Variants in NGEF observed in about 807,000 individuals in gnomAD.
NGEF encodes the protein neuronal guanine nucleotide exchange factor.
A neutral mutation model predicts 80.9 loss-of-function variants in NGEF; 31 were observed. The observed-to-expected ratio is 0.38, with a 90% CI of 0.29 to 0.52. NGEF has a LOEUF of 0.52. NGEF is among the 20% of genes least tolerant of loss of function. The pLI, the probability that NGEF is intolerant of heterozygous loss-of-function variation, is 0.84. For synonymous variants in NGEF, 371 were observed against 370.2 expected (o/e 1.00, Z -0.03); for missense variants, 709 against 926.2 (o/e 0.77, Z 3.04).
chr2:232,894,990 A>G, intron 5 of NGEF, 74 bp from the exon 6 acceptor site: 1 of 1,476,550 alleles, frequency 6.8e-7, no homozygotes, highest in South Asian at 1.3e-5. Flanking sequence ...GCTGAGACAG[A>G]GGAGCAGAGG....
rs1363099341 is a variant in NGEF, at chr2:232,879,158, C to G, written c.*331G>C. 2 of 231,072 alleles carry G rather than the reference C, an allele frequency of 8.7e-6. No homozygotes were observed. The highest frequency in any genetic ancestry group is 1.1e-4 in the Admixed American group (2 of 18,674). 14.3% of individuals were successfully genotyped at this position (231,072 alleles called of 1,614,324 possible). ...GGACACTCTGGGTTGGGAGCCTCTTCCAGTCCCTGGGGGCCAGGGGCATGG... is the reference window on the plus strand; with the variant it reads ...GGACACTCTGGGTTGGGAGCCTCTTGCAGTCCCTGGGGGCCAGGGGCATGG... On this transcript the variant is annotated 3_prime_UTR_variant, in exon 15 of 15. Transcript: ENST00000264051.
chr2:232,884,143 G>T lies in NGEF; in HGVS notation c.1439C>A (p.Ser480Ter). 1 of 1,592,944 alleles carries T rather than the reference G, an allele frequency of 6.3e-7. No homozygotes were observed. Among genetic ancestry groups the T allele is most frequent in the South Asian group, 1.1e-5 (1 of 88,844 alleles). The change falls in exon 11 of 15, where the codon TCG becomes TAG. Residue 480 changes from serine (S) to a stop codon, truncating the protein, a stop_gained and splice_region_variant. Transcript: ENST00000264051. LOFTEE classifies it high-confidence loss of function. ...IQKKMEFKIK[S>*]VPIISHSRWL... Reference sequence around the variant, plus strand: ...GCGGGAGTGGGAGATGATGGGCACCGACTGCAGCGGGGAAAGGGCATCAGG... The same window carrying T: ...GCGGGAGTGGGAGATGATGGGCACCTACTGCAGCGGGGAAAGGGCATCAGG...
At chr2:232,958,638 G>A (rs554854474) in intron 3 of NGEF, among the ~76,000 whole-genome samples, 12 of 152,156 alleles carry the variant, frequency 7.9e-5, no homozygotes, top group African/African-American at 2.7e-4. Flanking sequence ...CCAACCTCCC[G>A]GAAAAGGAGA....
chr2:232,894,254 G>A (rs1031913085), intron 6 of NGEF, among the ~76,000 whole-genome samples: 31 of 152,378 alleles, frequency 2.0e-4, no homozygotes, highest in Middle Eastern at 3.4e-3. Flanking sequence ...TGGAAGCACA[G>A]CTCCCAGAGC....
intron 3 of NGEF, among the ~76,000 whole-genome samples, chr2:232,950,442 AC>A (rs1277436620): frequency 1.3e-5 from 2 of 149,284 alleles, no homozygotes; most frequent in East Asian, 4.0e-4. Context: ...TGGCAGTGGG[AC>A]CCCCCACCCC....
rs545113081 is a variant in NGEF, at chr2:232,994,981, T to C, written c.-75+18087A>G. Among the ~76,000 whole-genome samples, 241 of 122,134 alleles carry C rather than the reference T, an allele frequency of 2.0e-3. 33 individuals are homozygous for C. The highest frequency in any genetic ancestry group is 8.5e-3 in the Middle Eastern group (2 of 236). 80.1% of individuals were successfully genotyped at this position (122,134 alleles called of 152,430 possible). A position where few individuals can be genotyped will look rare whatever the true frequency, so the allele number is the denominator to read the frequency against. On this transcript the variant is annotated intron_variant, in intron 1 of 14. Coordinates refer to ENST00000264051, the MANE Select transcript of NGEF (RefSeq NM_019850.3). ...CATATGTATTATATGTACATATACATATATGTATAACTACACATATATGTA... is the reference window on the plus strand; with the variant it reads ...CATATGTATTATATGTACATATACACATATGTATAACTACACATATATGTA...
chr2:232,975,493 A>T (rs1202833578), intron 1 of NGEF, among the ~76,000 whole-genome samples: 1 of 152,182 alleles, frequency 6.6e-6, no homozygotes, highest in South Asian at 2.1e-4. Context: ...GGAATGATGT[A>T]TGGCCGTGGT....
intron 3 of NGEF, among the ~76,000 whole-genome samples, chr2:232,953,614 G>T (rs1226682486): frequency 6.6e-6 from 1 of 152,038 alleles, no homozygotes; most frequent in Non-Finnish European, 1.5e-5. Flanking sequence ...CTGGCTGCCT[G>T]CCTAGGGGGA....
rs564520267 is a variant in NGEF at position 232,905,827 on chromosome 2, G to A, written c.829-10911C>T. The A allele has an allele frequency of 2.2e-4, 65 of 296,686 alleles. 1 individual carries two copies. Among genetic ancestry groups the A allele is most frequent in the South Asian group, 7.5e-4 (32 of 42,826 alleles). 18.4% of individuals were successfully genotyped at this position (296,686 alleles called of 1,614,324 possible). A position where few individuals can be genotyped will look rare whatever the true frequency, so the allele number is the denominator to read the frequency against. ...TGAGAAGTGAGGAGCCCCTCCGCCC[G>A]GCTGCCACCCCGTCTGGGAAGTGAG... On this transcript the variant is annotated intron_variant, in intron 5 of 14. Transcript: ENST00000264051.
chr2:233,013,155 A>G lies in NGEF; in HGVS notation c.-162T>C, dbSNP rs111339824. 1 of 471,024 alleles carries G rather than the reference A, an allele frequency of 2.1e-6. No individual in the cohort carries two copies. Among genetic ancestry groups the G allele is most frequent in the African/African-American group, 2.0e-5 (1 of 50,026 alleles). The allele number at this position is 471,024 out of a possible 1,614,324, so 29.2% of individuals were successfully genotyped here. A position where few individuals can be genotyped will look rare whatever the true frequency, so the allele number is the denominator to read the frequency against. The stretch of plus-strand genomic sequence containing the variant: ...TCCTGTCCAGGCACCTGCGAGCAGG[A>G]TGGTGTGTCCCCGGCTAAATCCACA... On this transcript the variant is annotated 5_prime_UTR_variant, in exon 1 of 15. Transcript: ENST00000264051.
At chr2:232,901,749 C>T (rs1435657513) in intron 5 of NGEF, among the ~76,000 whole-genome samples, 1 of 152,222 alleles carries the variant, frequency 6.6e-6, no homozygotes, top group African/African-American at 2.4e-5. Context: ...CAACTTAGTT[C>T]ACTGGCTTTT....
At chr2:232,915,175 G>T (rs1692772001) in intron 5 of NGEF, among the ~76,000 whole-genome samples, 1 of 152,214 alleles carries the variant, frequency 6.6e-6, no homozygotes, top group Non-Finnish European at 1.5e-5. Flanking sequence ...GTGATTTTTT[G>T]GGGTTACTGG....
At chr2:232,979,688 T>G (rs1257894211) in intron 1 of NGEF, among the ~76,000 whole-genome samples, 1 of 152,020 alleles carries the variant, frequency 6.6e-6, no homozygotes, top group African/African-American at 2.4e-5. Context: ...GCACTTGCAT[T>G]CATTCATTCA....
intron 6 of NGEF, among the ~76,000 whole-genome samples, chr2:232,893,485 G>A (rs1437193442): frequency 2.6e-5 from 4 of 152,104 alleles, no homozygotes; most frequent in African/African-American, 7.2e-5. Flanking sequence ...CAGAAGTGCC[G>A]TGGCAGGGCC....
At chr2:232,963,047 C>T (rs548786053) in intron 3 of NGEF, among the ~76,000 whole-genome samples, 22 of 151,772 alleles carry the variant, frequency 1.4e-4, no homozygotes, top group Non-Finnish European at 2.9e-4. Flanking sequence ...ATTGACAAAC[C>T]GATTCCAAAA....
intron 3 of NGEF, among the ~76,000 whole-genome samples, chr2:232,933,099 A>G (rs1202617590): frequency 6.9e-6 from 1 of 144,496 alleles, no homozygotes; most frequent in Non-Finnish European, 1.5e-5. Flanking sequence ...ACAAGAGTGA[A>G]ACTCCATCTC....
intron 3 of NGEF, among the ~76,000 whole-genome samples, chr2:232,928,389 G>C (rs1239644152): frequency 6.6e-6 from 1 of 151,758 alleles, no homozygotes; most frequent in Non-Finnish European, 1.5e-5. Context: ...GGAGGCCCTG[G>C]AGCTGCGCCT....
rs74714523 is a variant in NGEF at position 232,904,823 on chromosome 2, G to A, written c.829-9907C>T. 6.0e-3 allele frequency among the ~76,000 whole-genome samples: 909 copies of A among 152,160 alleles called. 9 individuals carry two copies. The highest frequency in any genetic ancestry group is 0.021 in the African/African-American group (853 of 41,494). ...TAGCCTGGAGTGGTGGTGCACACCT[G>A]TAGTTGCAGCTACTTGAGAGGCTGA... On this transcript the variant is annotated intron_variant, in intron 5 of 14. Transcript: ENST00000264051.
intron 1 of NGEF, among the ~76,000 whole-genome samples, chr2:232,987,939 A>G (rs1255646259): frequency 6.6e-6 from 1 of 152,030 alleles, no homozygotes; most frequent in Non-Finnish European, 1.5e-5. Flanking sequence ...CCACTGGGCC[A>G]AGCAATAGGA....
Sources: gnomAD v4.1 joint callset for allele counts (sites outside exome capture counted in the v4.1 genomes callset) on GRCh38, gnomAD v4.1.1 for gene constraint, MANE v1.5 for transcripts, NCBI Gene and HGNC (gene_info 2026-07-23, HGNC 2026-07-21) for gene names.